HYDIN: variants seen among roughly 807,000 people sequenced by gnomAD.
HYDIN encodes the protein HYDIN axonemal central pair apparatus protein, also known as axonemal central pair apparatus protein HYDIN.
A neutral mutation model predicts 403.9 loss-of-function variants in HYDIN; 132 were observed. The ratio of observed to expected loss-of-function variants is 0.33; its 90% CI spans 0.28 to 0.38. The LOEUF (loss-of-function observed/expected upper bound fraction) is 0.38. Among genes scored for constraint, HYDIN ranks in the 10% least tolerant of loss-of-function variants. The pLI is 1.00. For missense variants in HYDIN, 2,827 were observed against 5,009.5 expected, an observed-to-expected ratio of 0.56 and a Z score of 13.15; for synonymous variants, 1,202 against 1,891.7, an observed-to-expected ratio of 0.64 and a Z score of 9.46.
At chr16:70,808,429 A>T (rs545588642) in intron 85 of HYDIN, among the ~76,000 whole-genome samples, 2 of 152,220 alleles carry the variant, frequency 1.3e-5, no homozygotes, top group South Asian at 4.1e-4. Context: ...CCAGACAACT[A>T]GCTGTGAGCA....
rs1223458488 is a variant in HYDIN at position 71,175,640 on chromosome 16, T to C, written c.483A>G (p.Ile161Met). The change falls in exon 5 of 86, where the codon ATA becomes ATG. Residue 161 changes from isoleucine to methionine, a missense_variant. Transcript: ENST00000393567. ...GHKVAPGVPSIFRILFTPEEN... is the reference protein window; with the variant it reads ...GHKVAPGVPSMFRILFTPEEN... ...CCTCTGGAGTAAAGAGGATTCGGAA[T>C]ATGGAAGGCACTCCAGGAGCCACTT... The C allele has an allele frequency of 6.2e-7, 1 of 1,614,060 alleles. No individual in the cohort carries two copies. Among genetic ancestry groups the C allele is most frequent in the African/African-American group, 1.3e-5 (1 of 74,944 alleles).
intron 1 of HYDIN, among the ~76,000 whole-genome samples, chr16:71,214,088 A>C (rs939528185): frequency 2.0e-5 from 3 of 152,112 alleles, no homozygotes; most frequent in African/African-American, 7.2e-5. Context: ...GCTAAATATA[A>C]AATAAATATA....
intron 41 of HYDIN, among the ~76,000 whole-genome samples, chr16:70,945,664 T>G (rs1177981564): frequency 6.6e-6 from 1 of 151,442 alleles, no homozygotes; most frequent in Non-Finnish European, 1.5e-5. Flanking sequence ...GAGGAAGGAG[T>G]TGCTAATGAG....
rs1462318377 is a variant in HYDIN at position 71,048,430 on chromosome 16, T to C, written c.2529+12074A>G. Among the ~76,000 whole-genome samples, 3 of 127,606 alleles carry C rather than the reference T, an allele frequency of 2.4e-5. 1 individual carries two copies. The highest frequency in any genetic ancestry group is 2.8e-5 in the African/African-American group (1 of 36,262). 83.7% of individuals were successfully genotyped at this position (127,606 alleles called of 152,430 possible). A position where few individuals can be genotyped will look rare whatever the true frequency, so the allele number is the denominator to read the frequency against. On this transcript the variant is annotated intron_variant, in intron 18 of 85. Coordinates refer to ENST00000393567, the MANE Select transcript of HYDIN (RefSeq NM_001270974.2). ...GCAGTCTCCATATTATTTTCAATAG[T>C]AGCTGTACTAATTTACATTCCTACT...
At position 70,895,934 on chromosome 16, in the gene HYDIN, A is replaced by G. The variant is rs1444200287; in HGVS notation, c.9148+47T>C. 3 of 1,554,054 alleles carry G rather than the reference A, an allele frequency of 1.9e-6. No homozygotes were observed. In the Admixed American group the frequency reaches 5.8e-5, roughly 30 times the overall value. On this transcript the variant is annotated intron_variant, in intron 54 of 85. Coordinates refer to ENST00000393567, the MANE Select transcript of HYDIN (RefSeq NM_001270974.2). ...TTCTCTACACAGAAATACACTATAC[A>G]AAAGACCCAACTTCCAAACATCCTG...
rs531598530 is a variant in HYDIN at position 71,224,771 on chromosome 16, C to T, written c.-24+5791G>A. On this transcript the variant is annotated intron_variant, in intron 1 of 85. Coordinates refer to ENST00000393567, the MANE Select transcript of HYDIN (RefSeq NM_001270974.2). ...AGAGACGGGGTTTCACCGTTTTAGC[C>T]GGGATGGTCTCGATCTCCTGACCTC... is the stretch of plus-strand genomic sequence containing the variant. Among the ~76,000 whole-genome samples the T allele has an allele frequency of 2.5e-3, 378 of 151,782 alleles. 6 individuals carry two copies. The highest frequency in any genetic ancestry group is 8.9e-3 in the African/African-American group (369 of 41,360).
At chr16:71,024,617 A>T (rs973278994) in intron 21 of HYDIN, among the ~76,000 whole-genome samples, 2 of 140,138 alleles carry the variant, frequency 1.4e-5, no homozygotes, top group Non-Finnish European at 3.1e-5. Flanking sequence ...CAGAACAGAC[A>T]TTCCTTACAT....
chr16:70,819,006 C>T (rs530189564), intron 83 of HYDIN, among the ~76,000 whole-genome samples: 19 of 151,802 alleles, frequency 1.3e-4, no homozygotes, highest in Admixed American at 3.9e-4. Context: ...TCCCACCTTC[C>T]GGGTTCAAGT....
chr16:70,933,102 A>G (rs534349256), intron 45 of HYDIN, among the ~76,000 whole-genome samples: 45 of 151,842 alleles, frequency 3.0e-4, no homozygotes, highest in Admixed American at 6.6e-4. Context: ...CCAGAAAACC[A>G]GGGGGTGTGA....
chr16:71,017,185 C>CAAA (rs138869000), intron 23 of HYDIN, among the ~76,000 whole-genome samples: 53 of 123,022 alleles, frequency 4.3e-4, no homozygotes, highest in African/African-American at 1.3e-3. Context: ...ACTAAAAATA[C>CAAA]AAAAAAAAAA....
Position 70,850,587 on chromosome 16 carries a change from A to G in HYDIN, c.12512T>C (p.Val4171Ala), listed in dbSNP as rs1597119363. Residue 4171 changes from valine to alanine, a missense_variant, in exon 74 of 86, where the codon GTG becomes GCG. By Grantham distance (64) the Val-to-Ala change is moderately conservative. Transcript: ENST00000393567. ...TGTCACAGGGTGGACTTTCTTTTCC[A>G]CATTGCAGATCAAATTAAAGTTCAC... ...GDVNFNLICN[V>A]EKKVHPVTLN... The G allele has an allele frequency of 6.2e-7, 1 of 1,613,868 alleles. No homozygotes were observed. Among genetic ancestry groups the G allele is most frequent in the South Asian group, 1.1e-5 (1 of 91,078 alleles).
chr16:70,970,389 G>A (rs1464347990), intron 36 of HYDIN, 131 bp downstream of exon 36: 2 of 543,028 alleles, frequency 3.7e-6, no homozygotes, highest in African/African-American at 4.0e-5. Context: ...AAATGTCTAG[G>A]ATTTTACTCA....
intron 77 of HYDIN, among the ~76,000 whole-genome samples, chr16:70,836,527 G>C (rs1474534379): frequency 2.0e-5 from 3 of 152,210 alleles, no homozygotes; most frequent in Non-Finnish European, 2.9e-5. Context: ...AGTGGCAGTA[G>C]AGGCAGAGAA....
chr16:71,087,079 G>C (rs554266697), intron 12 of HYDIN, among the ~76,000 whole-genome samples: 2 of 151,728 alleles, frequency 1.3e-5, no homozygotes, highest in Non-Finnish European at 2.9e-5. Flanking sequence ...GGAAGAGAAC[G>C]TAAATGTCTT....
rs1258897946 is a variant in HYDIN at position 71,130,498 on chromosome 16, T to TG, written c.1044-676dup. Among the ~76,000 whole-genome samples the TG allele has an allele frequency of 5.0e-5, 7 of 138,782 alleles. No individual in the cohort carries two copies. The East Asian group carries it at 1.6e-3, about 32-fold the overall frequency. 91.0% of individuals were successfully genotyped at this position (138,782 alleles called of 152,430 possible). The stretch of plus-strand genomic sequence containing the variant: ...TTTTTTTTTTTTTTTTTTTTTTTTT[T>TG]GAGACGGAGTCTCGCTCTGTCGCCC... On this transcript the variant is annotated intron_variant, in intron 8 of 85. Transcript: ENST00000393567.
chr16:71,105,530 C>T (rs2083588761), intron 10 of HYDIN, among the ~76,000 whole-genome samples: 1 of 102,976 alleles, frequency 9.7e-6, no homozygotes, highest in African/African-American at 3.8e-5. Context: ...CCTGAATTGT[C>T]TTTAAAATTC....
chr16:70,990,472 G>C (rs1347257717), intron 25 of HYDIN, among the ~76,000 whole-genome samples: 9 of 120,082 alleles, frequency 7.5e-5, no homozygotes, highest in African/African-American at 2.9e-4. Flanking sequence ...TGCTTTCATA[G>C]ACTTTTTTCT....
chr16:71,170,790 A>G (rs180743801), intron 5 of HYDIN, among the ~76,000 whole-genome samples: 1 of 152,294 alleles, frequency 6.6e-6, no homozygotes, highest in Non-Finnish European at 1.5e-5. Context: ...CTTATCTTTA[A>G]GAGAAAAATC....
intron 23 of HYDIN, among the ~76,000 whole-genome samples, chr16:71,005,244 C>T (rs1166673949): frequency 1.3e-5 from 2 of 152,040 alleles, no homozygotes; most frequent in Non-Finnish European, 2.9e-5. Context: ...GAACTTTAAG[C>T]AATGATAGAA....
Sources: gnomAD v4.1 joint callset for allele counts (sites outside exome capture counted in the v4.1 genomes callset) on GRCh38, gnomAD v4.1.1 for gene constraint, MANE v1.5 for transcripts, NCBI Gene and HGNC (gene_info 2026-07-23, HGNC 2026-07-21) for gene names.